TBC1D5: variants seen among roughly 807,000 people sequenced by gnomAD.
TBC1D5 encodes the protein TBC1 domain family, member 5.
Under a neutral mutation model 100.3 loss-of-function variants are expected in TBC1D5, and 75 were observed. The ratio of observed to expected loss-of-function variants is 0.75; its 90% confidence interval spans 0.62 to 0.91. TBC1D5 has a LOEUF of 0.91. Among genes scored for constraint, TBC1D5 ranks in the 40% least tolerant of loss-of-function variants. The pLI is 0.00. For synonymous variants in TBC1D5, 323 were observed against 325.6 expected (o/e 0.99, Z 0.09); for missense variants, 910 against 942.4 (o/e 0.97, Z 0.45).
At chr3:17,280,834 C>A (rs972364581) in intron 15 of TBC1D5, among the ~76,000 whole-genome samples, 1 of 152,232 alleles carries the variant, frequency 6.6e-6, no homozygotes, top group South Asian at 2.1e-4. Context: ...AACACTTAAG[C>A]TGTCCACAGT....
chr3:17,501,469 A>G (rs370902039), intron 3 of TBC1D5, among the ~76,000 whole-genome samples: 1 of 149,228 alleles, frequency 6.7e-6, no homozygotes, highest in African/African-American at 2.5e-5. Flanking sequence ...AATCACTGTG[A>G]AAAGTTTGCC....
At chr3:17,493,936 C>T (rs972319733) in intron 3 of TBC1D5, among the ~76,000 whole-genome samples, 3 of 152,168 alleles carry the variant, frequency 2.0e-5, no homozygotes, top group Non-Finnish European at 2.9e-5. Context: ...GTCAGTTCAT[C>T]CATCTCAGCC....
chr3:17,197,465 C>A (rs2070852311), intron 18 of TBC1D5, among the ~76,000 whole-genome samples: 1 of 152,102 alleles, frequency 6.6e-6, no homozygotes, highest in Non-Finnish European at 1.5e-5. Context: ...CAGCCCTGAA[C>A]TCCTAGGTTT....
intron 13 of TBC1D5, among the ~76,000 whole-genome samples, chr3:17,364,440 A>T (rs1248875485): frequency 6.6e-6 from 1 of 152,230 alleles, no homozygotes; most frequent in East Asian, 1.9e-4. Flanking sequence ...TTTACATGCC[A>T]AAATTCAAGG....
intron 8 of TBC1D5, among the ~76,000 whole-genome samples, chr3:17,391,575 T>A (rs925480092): frequency 1.3e-5 from 2 of 150,608 alleles, no homozygotes; most frequent in African/African-American, 4.9e-5. Flanking sequence ...AAAAAAAAAA[T>A]ACCTAAAATA....
At chr3:17,563,471 T>C (rs12714948) in intron 2 of TBC1D5, among the ~76,000 whole-genome samples, 4,492 of 152,256 alleles carry the variant, frequency 0.03, 211 homozygotes, top group African/African-American at 0.1. Context: ...TATAATATCA[T>C]AGAAGCAAAG....
chr3:17,704,416 C>T (rs1217503366), intron 1 of TBC1D5, among the ~76,000 whole-genome samples: 1 of 151,246 alleles, frequency 6.6e-6, no homozygotes, highest in Admixed American at 6.6e-5. Flanking sequence ...CATCCTGGCC[C>T]GTTCTCAATG....
At chr3:17,414,232 A>C (rs1205385016) in intron 4 of TBC1D5, among the ~76,000 whole-genome samples, 3 of 152,214 alleles carry the variant, frequency 2.0e-5, no homozygotes, top group Non-Finnish European at 4.4e-5. Context: ...GATGGGTAGA[A>C]TATCTGAAGC....
intron 19 of TBC1D5, among the ~76,000 whole-genome samples, chr3:17,174,420 G>C (rs894596853): frequency 1.3e-5 from 2 of 152,132 alleles, no homozygotes; most frequent in African/African-American, 4.8e-5. Context: ...GGGAGACCCT[G>C]GTTTTCTTCA....
chr3:17,718,653 T>C (rs1028087432), intron 1 of TBC1D5, among the ~76,000 whole-genome samples: 2 of 152,120 alleles, frequency 1.3e-5, no homozygotes, highest in African/African-American at 4.8e-5. Flanking sequence ...TACAAATCAA[T>C]GTTAAGTATA....
chr3:17,414,353 CATTTA>C (rs907912566), intron 4 of TBC1D5, among the ~76,000 whole-genome samples: 4 of 152,040 alleles, frequency 2.6e-5, no homozygotes, highest in African/African-American at 9.7e-5. Context: ...TAGTATGATC[CATTTA>C]TTTTATCAAA....
intron 1 of TBC1D5, among the ~76,000 whole-genome samples, chr3:17,659,055 A>C (rs956852853): frequency 1.3e-5 from 2 of 152,318 alleles, no homozygotes; most frequent in African/African-American, 2.4e-5. Flanking sequence ...TTAGGAAGCA[A>C]ATGTTCCCTC....
chr3:17,238,175 G>A lies in TBC1D5; in HGVS notation c.1576C>T (p.Gln526Ter), dbSNP rs1443299478. Residue 526 changes from glutamine to a stop codon, truncating the protein, a stop_gained, in exon 17 of 22, where the codon CAA becomes TAA. Transcript: ENST00000253692. LOFTEE classifies it high-confidence loss of function. ...TATTTTTTCCTACCTTTGTTCAATT[G>A]CACAGGCATGCTTTCTGATTTCATC... 1 of 1,613,140 alleles carries A rather than the reference G, an allele frequency of 6.2e-7. No homozygotes were observed. Among genetic ancestry groups the A allele is most frequent in the Non-Finnish European group, 8.5e-7 (1 of 1,179,596 alleles).
At chr3:17,519,450 C>A (rs2096036462) in intron 2 of TBC1D5, among the ~76,000 whole-genome samples, 1 of 152,194 alleles carries the variant, frequency 6.6e-6, no homozygotes, top group Non-Finnish European at 1.5e-5. Flanking sequence ...CCTTAAGATA[C>A]AGCTCAAAAG....
chr3:17,250,080 C>A (rs2077058422), intron 16 of TBC1D5, among the ~76,000 whole-genome samples: 1 of 152,172 alleles, frequency 6.6e-6, no homozygotes, highest in African/African-American at 2.4e-5. Context: ...GTAAAAAATG[C>A]AATAAAATGA....
At chr3:17,469,628 C>T (rs1339314284) in intron 3 of TBC1D5, among the ~76,000 whole-genome samples, 1 of 152,208 alleles carries the variant, frequency 6.6e-6, no homozygotes, top group Non-Finnish European at 1.5e-5. Flanking sequence ...TACATATGTT[C>T]CAATTCTAAA....
intron 4 of TBC1D5, among the ~76,000 whole-genome samples, chr3:17,413,854 T>C (rs1329651747): frequency 2.6e-5 from 4 of 152,280 alleles, no homozygotes; most frequent in Admixed American, 1.3e-4. Flanking sequence ...ACTACAATAA[T>C]AGCAAAGAGT....
At chr3:17,435,707 C>G (rs972212605) in intron 3 of TBC1D5, among the ~76,000 whole-genome samples, 1 of 152,094 alleles carries the variant, frequency 6.6e-6, no homozygotes, top group African/African-American at 2.4e-5. Flanking sequence ...CAGATGCCTG[C>G]GGCAAAAGAC....
chr3:17,643,766 G>A (rs527751969), intron 1 of TBC1D5, among the ~76,000 whole-genome samples: 8 of 152,180 alleles, frequency 5.3e-5, no homozygotes, highest in African/African-American at 1.7e-4. Flanking sequence ...TGAGTAAGTC[G>A]CTAATGACAT....
Sources: allele counts gnomAD v4.1 joint callset (sites outside exome capture counted in the v4.1 genomes callset), GRCh38; gene constraint gnomAD v4.1.1; transcripts MANE v1.5; gene names NCBI Gene and HGNC (gene_info 2026-07-23, HGNC 2026-07-21).